JAKMIP3: variants seen among roughly 807,000 people sequenced by gnomAD.
The protein encoded by JAKMIP3 is janus kinase and microtubule-interacting protein 3.
A neutral mutation model predicts 118.5 loss-of-function variants in JAKMIP3; 58 were observed. The observed-to-expected ratio is 0.49, with a 90% CI of 0.40 to 0.61. JAKMIP3 has a LOEUF of 0.61. Among genes scored for constraint, JAKMIP3 ranks in the 20% least tolerant of loss-of-function variants. The pLI is 0.00. For synonymous variants in JAKMIP3, 486 were observed against 451.2 expected (o/e 1.08, Z -0.98); for missense variants, 950 against 1,109.0 (o/e 0.86, Z 2.04).
rs35729418 is a variant in JAKMIP3 at position 132,048,667 on chromosome 10, C to CTTTTTTTTT, written c.-138+11936_-138+11944dup. On this transcript the variant is annotated intron_variant, in intron 1 of 23. Transcript: ENST00000657785. The stretch of plus-strand genomic sequence containing the variant: ...AATTCCAGGCTTGACTGTTTCTTTT[C>CTTTTTTTTT]TTTTTTTTTTTTTTTGAGATGGAGT... Among the ~76,000 whole-genome samples, 45 of 129,756 alleles carry CTTTTTTTTT rather than the reference C, an allele frequency of 3.5e-4. 2 individuals are homozygous for CTTTTTTTTT. The highest frequency in any genetic ancestry group is 1.2e-3 in the East Asian group (5 of 4,188). The allele number at this position is 129,756 out of a possible 152,430, so 85.1% of individuals were successfully genotyped here. A position where few individuals can be genotyped will look rare whatever the true frequency, so the allele number is the denominator to read the frequency against.
At chr10:132,127,208 T>C (rs2049737351) in intron 3 of JAKMIP3, among the ~76,000 whole-genome samples, 1 of 151,422 alleles carries the variant, frequency 6.6e-6, no homozygotes, top group Non-Finnish European at 1.5e-5. Context: ...TTCCCACTTA[T>C]TGACATTAGA....
chr10:132,169,444 G>A (rs889119120), intron 23 of JAKMIP3, among the ~76,000 whole-genome samples: 3 of 152,224 alleles, frequency 2.0e-5, no homozygotes, highest in African/African-American at 7.2e-5. Flanking sequence ...TGAGGTGTCC[G>A]CTCTGGGGAG....
At chr10:132,098,841 G>A (rs2044383271) in intron 1 of JAKMIP3, among the ~76,000 whole-genome samples, 2 of 152,332 alleles carry the variant, frequency 1.3e-5, no homozygotes, top group South Asian at 2.1e-4. Context: ...ATCAGGAGCC[G>A]GGGGTGAAGT....
rs555596443 is a variant in JAKMIP3, at chr10:132,111,230, C to A, written c.136-5847C>A. On this transcript the variant is annotated intron_variant, in intron 2 of 23. Transcript: ENST00000684848. ...CATGTCCCAGGCAGCTGTGCCCCTGCAGACCTGTGGAGGGAGGCAGCAATG... is the reference window on the plus strand; with the variant it reads ...CATGTCCCAGGCAGCTGTGCCCCTGAAGACCTGTGGAGGGAGGCAGCAATG... 2.3e-3 allele frequency among the ~76,000 whole-genome samples: 345 copies of A among 152,344 alleles called. 1 individual carries two copies. The highest frequency in any genetic ancestry group is 4.2e-3 in the Non-Finnish European group (288 of 68,020).
At chr10:132,159,670 GGTCCTCTCCCT>G (rs2057721741) in intron 19 of JAKMIP3, among the ~76,000 whole-genome samples, 1 of 118,766 alleles carries the variant, frequency 8.4e-6, no homozygotes, top group African/African-American at 3.3e-5. Flanking sequence ...GATGCTGGGG[GGTCCTCTCCCT>G]ATGTGATGCT....
At chr10:132,139,473 T>C (rs1029791510) in intron 9 of JAKMIP3, among the ~76,000 whole-genome samples, 9 of 147,520 alleles carry the variant, frequency 6.1e-5, no homozygotes, top group African/African-American at 2.2e-4. Flanking sequence ...TGTGTGTATG[T>C]GTGAGTGTGT....
chr10:132,180,602 C>CGCGTGTGT (rs2060845453), intron 23 of JAKMIP3, among the ~76,000 whole-genome samples: 1 of 12,066 alleles, frequency 8.3e-5, no homozygotes, highest in African/African-American at 4.2e-4. Flanking sequence ...TGTGTGCGTG[C>CGCGTGTGT]GCGTGTGTGT....
intron 2 of JAKMIP3, among the ~76,000 whole-genome samples, chr10:132,107,032 C>T (rs1362256189): frequency 6.6e-6 from 1 of 150,930 alleles, no homozygotes; most frequent in Admixed American, 6.6e-5. Context: ...CACAGGTGTG[C>T]ACCACCATGT....
In JAKMIP3 at chr10:132,056,679, C is replaced by A. The variant is rs148364140; in HGVS notation, c.-138+19941C>A. ...TTTGTGAGGCCACCGAAGCTGCCAG[C>A]AGAAGCCCTCTGAAGTCCTCACAGT... On this transcript the variant is annotated intron_variant, in intron 1 of 23. Coordinates refer to the JAKMIP3 transcript ENST00000657785. Among the ~76,000 whole-genome samples the A allele has an allele frequency of 4.6e-5, 7 of 152,348 alleles. No homozygotes were observed. The East Asian group carries it at 1.2e-3, about 25-fold the overall frequency.
In JAKMIP3 at chr10:132,163,195, C is replaced by G. The variant is rs536954216; in HGVS notation, c.2221-14C>G. 20 of 1,549,618 alleles carry G rather than the reference C, an allele frequency of 1.3e-5. No homozygotes were observed. In the South Asian group the frequency reaches 1.8e-4, roughly 14 times the overall value. On this transcript the variant is annotated splice_polypyrimidine_tract_variant and intron_variant, in intron 19 of 23. Transcript: ENST00000684848. Reference sequence around the variant, plus strand: ...GAGAAGGCAAGGACTAAGGCGTCTCCCCTTCCGCCCCAGCACATCCTGGAG... The same window carrying G: ...GAGAAGGCAAGGACTAAGGCGTCTCGCCTTCCGCCCCAGCACATCCTGGAG...
intron 1 of JAKMIP3, among the ~76,000 whole-genome samples, chr10:132,100,213 C>T (rs1463470372): frequency 4.9e-5 from 7 of 142,832 alleles, no homozygotes; most frequent in South Asian, 2.4e-4. Flanking sequence ...CCCTCAGACC[C>T]GCTCCCACCC....
At chr10:132,135,008 G>A in intron 4 of JAKMIP3, 33 bp from the exon 5 acceptor site, 1 of 1,607,800 alleles carries the variant, frequency 6.2e-7, no homozygotes, top group South Asian at 1.1e-5. Context: ...CTTGTGGGTA[G>A]GAACCGTTAT....
At position 132,152,931 on chromosome 10, in the gene JAKMIP3, G is replaced by A. The variant is rs748991433; in HGVS notation, c.2008-27G>A. On this transcript the variant is annotated intron_variant, in intron 16 of 23. Transcript: ENST00000684848. Reference sequence around the variant, plus strand: ...ACCCCCAAAGGCACTGCTTCTGACCGCACCTGTGTTCTGCTTTTGGGTGCA... The same window carrying A: ...ACCCCCAAAGGCACTGCTTCTGACCACACCTGTGTTCTGCTTTTGGGTGCA... 121 of 1,577,050 alleles carry A rather than the reference G, an allele frequency of 7.7e-5. 2 individuals carry two copies. Among genetic ancestry groups the A allele is most frequent in the South Asian group, 3.8e-4 (33 of 86,290 alleles).
chr10:132,082,168 TTGG>T (rs1296681240), intron 1 of JAKMIP3, among the ~76,000 whole-genome samples: 1 of 56,600 alleles, frequency 1.8e-5, no homozygotes, highest in Non-Finnish European at 2.9e-5. Context: ...CATTGTTTGT[TTGG>T]GGGGGGGGGC....
chr10:132,036,765 G>A (rs914893141), intron 1 of JAKMIP3, among the ~76,000 whole-genome samples: 8 of 151,102 alleles, frequency 5.3e-5, no homozygotes, highest in Admixed American at 5.3e-4. Context: ...GTGGGGCCGC[G>A]ACCGGGGGCC....
intron 19 of JAKMIP3, among the ~76,000 whole-genome samples, chr10:132,157,783 T>A (rs1040990905): frequency 6.6e-6 from 1 of 151,560 alleles, no homozygotes. Context: ...CCATTGCAAA[T>A]ATTTCCTTTA....
At chr10:132,106,601 A>G (rs1373055580) in intron 2 of JAKMIP3, among the ~76,000 whole-genome samples, 4 of 152,188 alleles carry the variant, frequency 2.6e-5, no homozygotes, top group Admixed American at 2.0e-4. Context: ...GCATGGGGAC[A>G]CGATCAGTAA....
At chr10:132,116,428 C>T (rs2035803) in intron 2 of JAKMIP3, among the ~76,000 whole-genome samples, 44,082 of 140,296 alleles carry the variant, frequency 0.31, 7,148 homozygotes, top group East Asian at 0.44. Context: ...TGAGTGTGTG[C>T]AACGTGGAAG....
intron 3 of JAKMIP3, among the ~76,000 whole-genome samples, chr10:132,131,313 T>G (rs1589889337): frequency 7.7e-5 from 10 of 130,302 alleles, no homozygotes; most frequent in Non-Finnish European, 9.8e-5. Context: ...GCTTATGGGG[T>G]GAGTGTGTGG....
Sources: gnomAD v4.1 joint callset for allele counts (sites outside exome capture counted in the v4.1 genomes callset) on GRCh38, gnomAD v4.1.1 for gene constraint, MANE v1.5 for transcripts, NCBI Gene and HGNC (gene_info 2026-07-23, HGNC 2026-07-21) for gene names.